NINJ2: variants seen among roughly 807,000 people sequenced by gnomAD.
NINJ2 encodes the protein ninjurin-2.
In NINJ2, 12 loss-of-function variants were observed where a neutral mutation model predicts 11.7. That is an observed-to-expected ratio of 1.02 (90% CI 0.66 to 1.66). NINJ2 has a LOEUF of 1.66. Ranked by LOEUF, NINJ2 falls within the 40% of genes most tolerant of loss-of-function variation. The probability of loss-of-function intolerance (pLI) is 0.00; values close to 1 mark genes in which losing one functional copy is unlikely to be tolerated. For missense variants in NINJ2, 187 were observed against 181.8 expected, an observed-to-expected ratio of 1.03 and a Z score of -0.16; for synonymous variants, 93 against 76.8, an observed-to-expected ratio of 1.21 and a Z score of -1.10.
intron 1 of NINJ2, among the ~76,000 whole-genome samples, chr12:568,440 T>C (rs1435101475): frequency 6.6e-6 from 1 of 152,126 alleles, no homozygotes; most frequent in Non-Finnish European, 1.5e-5. Flanking sequence ...CTCCTGGCCC[T>C]TTGCTCTGTT....
chr12:587,808 T>A (rs1443813335), intron 1 of NINJ2, among the ~76,000 whole-genome samples: 1 of 152,140 alleles, frequency 6.6e-6, no homozygotes, highest in Non-Finnish European at 1.5e-5. Context: ...TTCCTCGCCG[T>A]CCACCCAGGA....
chr12:601,301 C>A (rs1335951330), intron 1 of NINJ2, among the ~76,000 whole-genome samples: 5 of 152,154 alleles, frequency 3.3e-5, no homozygotes, highest in Non-Finnish European at 7.4e-5. Flanking sequence ...AATCCCAGCA[C>A]TTTGGGAGGC....
chr12:605,189 C>T (rs758831006), intron 1 of NINJ2, among the ~76,000 whole-genome samples: 32 of 152,202 alleles, frequency 2.1e-4, no homozygotes, highest in Non-Finnish European at 8.8e-5. Flanking sequence ...CTCCGCCTTC[C>T]CCACAGATAG....
chr12:610,013 T>C (rs2120938756), intron 1 of NINJ2, among the ~76,000 whole-genome samples: 1 of 63,430 alleles, frequency 1.6e-5, no homozygotes, highest in Middle Eastern at 8.2e-3. Flanking sequence ...ACATTTTTGT[T>C]GTAGCTAGAG....
chr12:611,267 TTCTTTCTC>T (rs1592096933), intron 1 of NINJ2, among the ~76,000 whole-genome samples: 6 of 115,630 alleles, frequency 5.2e-5, no homozygotes, highest in East Asian at 2.4e-4. Flanking sequence ...CTTTCTTTCT[TTCTTTCTC>T]TCTCTCTTTC....
At chr12:634,322 C>T (rs1366827155) in intron 1 of NINJ2, among the ~76,000 whole-genome samples, 2 of 128,168 alleles carry the variant, frequency 1.6e-5, no homozygotes, top group South Asian at 5.5e-4. Flanking sequence ...TACAATGGCA[C>T]GATCTCGGCT....
At chr12:602,130 G>A (rs900810290) in intron 1 of NINJ2, among the ~76,000 whole-genome samples, 1 of 152,162 alleles carries the variant, frequency 6.6e-6, no homozygotes, top group African/African-American at 2.4e-5. Context: ...ACACTCAATG[G>A]GGATGACACT....
chr12:576,038 C>T (rs1947453638), intron 1 of NINJ2, among the ~76,000 whole-genome samples: 1 of 152,178 alleles, frequency 6.6e-6, no homozygotes, highest in Non-Finnish European at 1.5e-5. Context: ...CAGCCAAGAG[C>T]AGTGATCTCG....
chr12:610,432 TC>T, intron 1 of NINJ2: 1 of 1,535,434 alleles, frequency 6.5e-7, no homozygotes, highest in Non-Finnish European at 8.7e-7. Flanking sequence ...ACAGGAAGTC[TC>T]AACGGAAAAT....
chr12:598,524 C>T (rs116592701), intron 1 of NINJ2, among the ~76,000 whole-genome samples: 2,131 of 152,130 alleles, frequency 0.014, 61 homozygotes, highest in African/African-American at 0.049. Flanking sequence ...TCAGCTTGGG[C>T]TGTGAGAAAT....
chr12:600,875 A>G (rs573625467), intron 1 of NINJ2, among the ~76,000 whole-genome samples: 7 of 152,046 alleles, frequency 4.6e-5, no homozygotes, highest in Middle Eastern at 3.4e-3. Flanking sequence ...CTTTTTTTCT[A>G]TTTGTTAGGG....
chr12:647,379 A>T (rs1937702618), intron 1 of NINJ2, among the ~76,000 whole-genome samples: 1 of 152,188 alleles, frequency 6.6e-6, no homozygotes, highest in African/African-American at 2.4e-5. Context: ...TAGTGGCTGT[A>T]AATCCCACAA....
chr12:578,805 G>GGCCC (rs1947507052), intron 1 of NINJ2, among the ~76,000 whole-genome samples: 2 of 152,178 alleles, frequency 1.3e-5, no homozygotes, highest in Non-Finnish European at 2.9e-5. Context: ...GATCCAAACT[G>GGCCC]TCTTTTGAAC....
At chr12:649,005 T>TCTAC (rs1937741705) in intron 1 of NINJ2, among the ~76,000 whole-genome samples, 1 of 151,570 alleles carries the variant, frequency 6.6e-6, no homozygotes, top group Non-Finnish European at 1.5e-5. Context: ...TGTCTATCTA[T>TCTAC]CTATCTATCT....
intron 1 of NINJ2, among the ~76,000 whole-genome samples, chr12:587,119 CT>C (rs1324922913): frequency 2.0e-5 from 3 of 152,220 alleles, no homozygotes; most frequent in African/African-American, 7.2e-5. Context: ...GAGGAGGAGG[CT>C]CAGCCCTTCC....
intron 1 of NINJ2, among the ~76,000 whole-genome samples, chr12:607,982 A>G (rs140605482): frequency 1.4e-4 from 22 of 152,272 alleles, no homozygotes; most frequent in African/African-American, 4.1e-4. Context: ...GTGCAAGCCA[A>G]TTTGATGGAA....
chr12:653,594 G>A (rs991321116), intron 1 of NINJ2, among the ~76,000 whole-genome samples: 4 of 151,590 alleles, frequency 2.6e-5, no homozygotes, highest in Non-Finnish European at 5.9e-5. Flanking sequence ...GCAAACTCCA[G>A]GGCAATAACT....
intron 1 of NINJ2, among the ~76,000 whole-genome samples, chr12:635,053 CT>C (rs1186262966): frequency 0.059 from 8,342 of 140,728 alleles, 243 homozygotes; most frequent in South Asian, 0.14. Flanking sequence ...TCCCCATATA[CT>C]TTTTTTTTTT....
chr12:565,868 G>A (rs1263601685), intron 2 of NINJ2, 82 bp downstream of exon 2: 2 of 1,188,718 alleles, frequency 1.7e-6, no homozygotes, highest in South Asian at 1.2e-5. Flanking sequence ...GCCAATGCAG[G>A]GTGGCCCAGG....
Sources: allele counts gnomAD v4.1 joint callset (sites outside exome capture counted in the v4.1 genomes callset), GRCh38; gene constraint gnomAD v4.1.1; transcripts MANE v1.5; gene names NCBI Gene and HGNC (gene_info 2026-07-23, HGNC 2026-07-21).